PDE7B: variants seen among roughly 807,000 people sequenced by gnomAD.
PDE7B encodes the protein 3',5'-cyclic-AMP phosphodiesterase 7B.
A neutral mutation model predicts 56.2 loss-of-function variants in PDE7B; 29 were observed. The observed-to-expected ratio is 0.52, with a 90% CI of 0.38 to 0.70. The LOEUF is 0.70. Ranked by LOEUF, PDE7B falls within the 30% of genes least tolerant of loss-of-function variation. PDE7B has a pLI of 0.00. For synonymous variants in PDE7B, 197 were observed against 196.9 expected (o/e 1.00, Z 0.00); for missense variants, 490 against 565.0 (o/e 0.87, Z 1.35).
At position 135,929,303 on chromosome 6, in the gene PDE7B, G is replaced by A. The variant is rs561489408; in HGVS notation, c.22-18161G>A. 5.3e-5 allele frequency among the ~76,000 whole-genome samples: 8 copies of A among 151,882 alleles called. No individual in the cohort carries two copies. The South Asian group carries it at 8.3e-4, about 16-fold the overall frequency. On this transcript the variant is annotated intron_variant, in intron 1 of 12. Coordinates refer to ENST00000308191, the MANE Select transcript of PDE7B (RefSeq NM_018945.4). ...TACTTAAAACTTACAATGAGCGTAC[G>A]GGACATGCAAAATAAAACAAACAAG...
intron 8 of PDE7B, among the ~76,000 whole-genome samples, chr6:136,167,211 C>T (rs1392883241): frequency 6.6e-6 from 1 of 152,162 alleles, no homozygotes; most frequent in Non-Finnish European, 1.5e-5. Context: ...TCTCTCCATG[C>T]ATTTACTATC....
chr6:136,056,090 AAGGAGG>A (rs1041194662), intron 2 of PDE7B, among the ~76,000 whole-genome samples: 1 of 152,192 alleles, frequency 6.6e-6, no homozygotes, highest in Admixed American at 6.5e-5. Context: ...GGAAACGTAG[AAGGAGG>A]AGGAGGAATC....
chr6:136,075,516 T>C (rs1445563139), intron 2 of PDE7B, among the ~76,000 whole-genome samples: 3 of 152,194 alleles, frequency 2.0e-5, no homozygotes, highest in Non-Finnish European at 2.9e-5. Context: ...ATCCTAGCTG[T>C]CCCATTGTCT....
At chr6:135,882,619 G>A (rs930672614) in intron 1 of PDE7B, among the ~76,000 whole-genome samples, 2 of 152,118 alleles carry the variant, frequency 1.3e-5, no homozygotes, top group African/African-American at 4.8e-5. Context: ...TCCATGTATA[G>A]CAATTTTCAC....
At chr6:136,096,293 T>A (rs974800576) in intron 2 of PDE7B, 2 of 152,176 alleles carry the variant, frequency 1.3e-5, no homozygotes, top group African/African-American at 4.8e-5. Context: ...TTTGTCCTTG[T>A]TCCCGGCCAG....
intron 3 of PDE7B, among the ~76,000 whole-genome samples, chr6:136,120,161 G>A (rs1777906546): frequency 6.6e-6 from 1 of 152,176 alleles, no homozygotes; most frequent in Non-Finnish European, 1.5e-5. Flanking sequence ...AAGGGCATAG[G>A]ACACATAACA....
chr6:136,163,526 C>T (rs1269887631), intron 8 of PDE7B, among the ~76,000 whole-genome samples: 1 of 152,202 alleles, frequency 6.6e-6, no homozygotes, highest in Non-Finnish European at 1.5e-5. Context: ...CTTAGACATG[C>T]CTTGGAGACA....
At position 136,036,216 on chromosome 6, in the gene PDE7B, T is replaced by C. The variant is rs144261256; in HGVS notation, c.83-72515T>C. Among the ~76,000 whole-genome samples the C allele has an allele frequency of 5.0e-3, 766 of 152,284 alleles. 3 individuals are homozygous for C. The highest frequency in any genetic ancestry group is 0.017 in the African/African-American group (723 of 41,568). ...CAAAGTGGTGGAAGTGTTGAACTGA[T>C]GGTGAAATCCTTTCATCTCTTATCA... On this transcript the variant is annotated intron_variant, in intron 2 of 12. Coordinates refer to ENST00000308191, the MANE Select transcript of PDE7B (RefSeq NM_018945.4).
At chr6:136,123,692 C>T (rs189226277) in intron 3 of PDE7B, among the ~76,000 whole-genome samples, 25 of 152,348 alleles carry the variant, frequency 1.6e-4, no homozygotes, top group Admixed American at 1.0e-3. Flanking sequence ...CCCAGTGACT[C>T]ATGACTTCTC....
intron 1 of PDE7B, among the ~76,000 whole-genome samples, chr6:135,889,373 GC>G (rs1775766234): frequency 6.6e-6 from 1 of 150,654 alleles, no homozygotes; most frequent in Admixed American, 6.6e-5. Context: ...CAAGTGATCC[GC>G]CTGCCTTGGC....
At chr6:136,094,973 A>G (rs980240729) in intron 2 of PDE7B, 2 of 152,214 alleles carry the variant, frequency 1.3e-5, no homozygotes, top group Non-Finnish European at 2.9e-5. Context: ...CTCCACATAC[A>G]GCAGTATCTA....
At chr6:136,048,300 G>A (rs1420830259) in intron 2 of PDE7B, among the ~76,000 whole-genome samples, 1 of 152,118 alleles carries the variant, frequency 6.6e-6, no homozygotes, top group Non-Finnish European at 1.5e-5. Flanking sequence ...GAGGCAGGTG[G>A]ATCACCTGAG....
chr6:136,140,287 G>A (rs765172519), intron 3 of PDE7B, among the ~76,000 whole-genome samples: 7 of 152,096 alleles, frequency 4.6e-5, no homozygotes, highest in African/African-American at 1.4e-4. Context: ...TTGTAGATAC[G>A]CAGCATTATT....
chr6:136,129,944 C>G (rs1016382493), intron 3 of PDE7B, among the ~76,000 whole-genome samples: 1 of 152,154 alleles, frequency 6.6e-6, no homozygotes, highest in African/African-American at 2.4e-5. Flanking sequence ...TCACTTTCAT[C>G]CCCTGCCAGT....
rs183312854 is a variant in PDE7B at position 136,163,958 on chromosome 6, C to T, written c.711+8200C>T. 3.6e-4 allele frequency among the ~76,000 whole-genome samples: 55 copies of T among 152,320 alleles called. No individual in the cohort carries two copies. The East Asian group carries it at 8.9e-3, about 25-fold the overall frequency. ...GGAAGTTCCAAACTTTCCCACATTT[C>T]CTGTCTTCTTCTGAGCCCTCCAAAC... On this transcript the variant is annotated intron_variant, in intron 8 of 12. Transcript: ENST00000308191.
At chr6:136,105,179 G>A (rs1298778176) in intron 2 of PDE7B, among the ~76,000 whole-genome samples, 1 of 152,172 alleles carries the variant, frequency 6.6e-6, no homozygotes, top group Non-Finnish European at 1.5e-5. Flanking sequence ...CCACTGAAAT[G>A]CTCTTTGATT....
intron 3 of PDE7B, among the ~76,000 whole-genome samples, chr6:136,136,758 GAA>G (rs113988168): frequency 0.015 from 1,968 of 127,166 alleles, 41 homozygotes; most frequent in African/African-American, 0.051. Flanking sequence ...AATAAATAAT[GAA>G]AAAAAAAAAA....
intron 1 of PDE7B, among the ~76,000 whole-genome samples, chr6:135,924,419 C>G (rs1181282025): frequency 1.3e-5 from 2 of 152,134 alleles, no homozygotes; most frequent in Non-Finnish European, 1.5e-5. Flanking sequence ...CCCAGAATGC[C>G]ATAACCTGCC....
intron 1 of PDE7B, among the ~76,000 whole-genome samples, chr6:135,901,488 C>CT (rs966332804): frequency 7.2e-5 from 11 of 152,012 alleles, no homozygotes; most frequent in East Asian, 1.9e-4. Context: ...GAGTACAGAC[C>CT]TTTTTTTGCA....
Sources: gnomAD v4.1 joint callset for allele counts (sites outside exome capture counted in the v4.1 genomes callset) on GRCh38, gnomAD v4.1.1 for gene constraint, MANE v1.5 for transcripts, NCBI Gene and HGNC (gene_info 2026-07-23, HGNC 2026-07-21) for gene names.